BRINP1: variants seen among roughly 807,000 people sequenced by gnomAD.
BRINP1 encodes BMP/retinoic acid inducible neural specific 1, also known as BMP/retinoic acid-inducible neural-specific protein 1.
In BRINP1, 17 loss-of-function variants were observed where a neutral mutation model predicts 72.9. The ratio of observed to expected loss-of-function variants is 0.23; its 90% confidence interval spans 0.16 to 0.35. BRINP1 has a LOEUF of 0.35. Ranked by LOEUF, BRINP1 falls within the 10% of genes least tolerant of loss-of-function variation. BRINP1 has a pLI of 1.00. For missense variants in BRINP1, 850 were observed against 1,001.6 expected, an observed-to-expected ratio of 0.85 and a Z score of 2.04; for synonymous variants, 418 against 378.5, an observed-to-expected ratio of 1.10 and a Z score of -1.21.
chr9:119,175,113 AAAGT>A (rs1829468156), intron 7 of BRINP1, among the ~76,000 whole-genome samples: 5 of 141,692 alleles, frequency 3.5e-5, no homozygotes, highest in South Asian at 2.2e-4. Context: ...AACTTAAAGT[AAAGT>A]ATAAAAAAAA....
At chr9:119,173,699 A>C (rs1044111557) in intron 7 of BRINP1, among the ~76,000 whole-genome samples, 161 of 144,144 alleles carry the variant, frequency 1.1e-3, no homozygotes, top group Admixed American at 3.3e-3. Flanking sequence ...TCCTAAGCCA[A>C]AAGAACAAAG....
chr9:119,263,818 C>G (rs1830521067), intron 2 of BRINP1, among the ~76,000 whole-genome samples: 1 of 151,890 alleles, frequency 6.6e-6, no homozygotes, highest in Admixed American at 6.6e-5. Flanking sequence ...CCGTGTTAGC[C>G]AGGATGGTCT....
At chr9:119,344,672 G>T (rs1587967793) in intron 1 of BRINP1, among the ~76,000 whole-genome samples, 1 of 152,146 alleles carries the variant, frequency 6.6e-6, no homozygotes, top group African/African-American at 2.4e-5. Flanking sequence ...CAGTGCTGAG[G>T]TTATGAACCT....
chr9:119,313,325 A>C lies in BRINP1; in HGVS notation c.31T>G (p.Phe11Val), dbSNP rs1587957311. 1 of 1,614,008 alleles carries C rather than the reference A, an allele frequency of 6.2e-7. No individual in the cohort carries two copies. Among genetic ancestry groups the C allele is most frequent in the South Asian group, 1.1e-5 (1 of 91,070 alleles). ...GAGATACGGCCCCATATAAACAGGAAGTAGAGGAGCTCAACAAACCTCCAG... is the reference window on the plus strand; with the variant it reads ...GAGATACGGCCCCATATAAACAGGACGTAGAGGAGCTCAACAAACCTCCAG... MNWRFVELLY[F>V]LFIWGRISVQ... The change falls in exon 2 of 8, where the codon TTC becomes GTC. Residue 11 changes from phenylalanine (F) to valine (V), a missense_variant. Physicochemically the swap from Phe to Val is conservative, Grantham distance 50. Coordinates refer to ENST00000265922, the MANE Select transcript of BRINP1 (RefSeq NM_014618.3).
chr9:119,254,719 T>C (rs966573070), intron 2 of BRINP1, among the ~76,000 whole-genome samples: 3 of 152,186 alleles, frequency 2.0e-5, no homozygotes, highest in African/African-American at 7.2e-5. Context: ...GTCCAGGTAG[T>C]AAATATTTTA....
intron 1 of BRINP1, among the ~76,000 whole-genome samples, chr9:119,366,174 C>T (rs1831688984): frequency 6.6e-6 from 1 of 152,008 alleles, no homozygotes; most frequent in Admixed American, 6.6e-5. Flanking sequence ...TCTTTGTGTG[C>T]ACATGTGTGT....
Position 119,279,882 on chromosome 9 carries a change from T to A in BRINP1, c.219-30732A>T, listed in dbSNP as rs1049372253. The stretch of plus-strand genomic sequence containing the variant: ...TGCCCAAATCAGTGTACTTTCTGAA[T>A]TACTGGGGTCAAAATTAATGAGGCT... On this transcript the variant is annotated intron_variant, in intron 2 of 7. Transcript: ENST00000265922. 5.3e-5 allele frequency among the ~76,000 whole-genome samples: 8 copies of A among 152,170 alleles called. 1 individual carries two copies. The highest frequency in any genetic ancestry group is 8.8e-5 in the Non-Finnish European group (6 of 68,020).
intron 2 of BRINP1, among the ~76,000 whole-genome samples, chr9:119,278,836 C>A (rs556116969): frequency 6.6e-6 from 1 of 151,976 alleles, no homozygotes; most frequent in Non-Finnish European, 1.5e-5. Flanking sequence ...TGCAGTGAGC[C>A]GAGATTGCGC....
At chr9:119,292,947 T>C (rs561757187) in intron 2 of BRINP1, among the ~76,000 whole-genome samples, 46 of 152,316 alleles carry the variant, frequency 3.0e-4, no homozygotes, top group African/African-American at 1.1e-3. Context: ...GATTACAGTG[T>C]ATTTATTGAT....
intron 7 of BRINP1, among the ~76,000 whole-genome samples, chr9:119,169,971 A>C (rs1829382301): frequency 6.6e-6 from 1 of 152,166 alleles, no homozygotes; most frequent in Admixed American, 6.5e-5. Flanking sequence ...CACACCAAAA[A>C]CCCACCTGTA....
chr9:119,213,673 G>A (rs2118876802), intron 6 of BRINP1: 1 of 590,980 alleles, frequency 1.7e-6, no homozygotes, highest in East Asian at 2.8e-5. Context: ...CTGTCTTCTG[G>A]GTACGACAGA....
chr9:119,358,670 G>A (rs1831597113), intron 1 of BRINP1, among the ~76,000 whole-genome samples: 1 of 152,264 alleles, frequency 6.6e-6, no homozygotes, highest in East Asian at 1.9e-4. Flanking sequence ...CTCCAGCGTG[G>A]GCGACAGAGC....
intron 7 of BRINP1, among the ~76,000 whole-genome samples, chr9:119,169,903 G>C (rs1829381026): frequency 6.6e-6 from 1 of 152,098 alleles, no homozygotes; most frequent in South Asian, 2.1e-4. Context: ...TATTCCAACA[G>C]ACTTGCAGCT....
intron 6 of BRINP1, among the ~76,000 whole-genome samples, chr9:119,209,881 T>A (rs1829904268): frequency 6.6e-6 from 1 of 152,202 alleles, no homozygotes. Flanking sequence ...CAGTGTTGTT[T>A]GAAGTTGTAT....
chr9:119,264,237 T>C (rs1830525491), intron 2 of BRINP1, among the ~76,000 whole-genome samples: 1 of 152,224 alleles, frequency 6.6e-6, no homozygotes, highest in Non-Finnish European at 1.5e-5. Flanking sequence ...CAGTAGCATG[T>C]CGGGTAAGAC....
intron 3 of BRINP1, among the ~76,000 whole-genome samples, chr9:119,243,184 C>T (rs916026161): frequency 6.6e-6 from 1 of 152,070 alleles, no homozygotes; most frequent in Admixed American, 6.5e-5. Context: ...ACCCAGCATG[C>T]ATTAGCTATT....
At chr9:119,318,844 G>GTGTGT (rs1554754957) in intron 1 of BRINP1, among the ~76,000 whole-genome samples, 62 of 142,234 alleles carry the variant, frequency 4.4e-4, no homozygotes, top group African/African-American at 1.4e-3. Flanking sequence ...AAATGTGTGG[G>GTGTGT]GTGTGTGTGT....
chr9:119,208,702 G>A lies in BRINP1; in HGVS notation c.1145+17C>T. The A allele has an allele frequency of 6.2e-7, 1 of 1,609,856 alleles. No homozygotes were observed. Among genetic ancestry groups the A allele is most frequent in the Non-Finnish European group, 8.5e-7 (1 of 1,177,710 alleles). On this transcript the variant is annotated intron_variant, in intron 7 of 7. Coordinates refer to ENST00000265922, the MANE Select transcript of BRINP1 (RefSeq NM_014618.3). The stretch of plus-strand genomic sequence containing the variant: ...CAGGTAGGTGCCTGCAGAGGTGGAG[G>A]TGGTGGCAACACTTACCTCTCTCTA...
At chr9:119,341,321 C>T (rs1223756819) in intron 1 of BRINP1, among the ~76,000 whole-genome samples, 1 of 152,106 alleles carries the variant, frequency 6.6e-6, no homozygotes, top group Non-Finnish European at 1.5e-5. Context: ...AAGAAAAATC[C>T]CTTTCCAGTT....
Sources: gnomAD v4.1 joint callset for allele counts (sites outside exome capture counted in the v4.1 genomes callset) on GRCh38, gnomAD v4.1.1 for gene constraint, MANE v1.5 for transcripts, NCBI Gene and HGNC (gene_info 2026-07-23, HGNC 2026-07-21) for gene names.